The following TMEM117 variants were observed in gnomAD, a reference collection of about 807,000 sequenced individuals.
TMEM117 encodes transmembrane protein 117.
A neutral mutation model predicts 52.4 loss-of-function variants in TMEM117; 27 were observed. The ratio of observed to expected loss-of-function variants is 0.51; its 90% confidence interval spans 0.38 to 0.71. TMEM117 has a LOEUF of 0.71. TMEM117 is among the 30% of genes least tolerant of loss of function. The pLI, the probability that TMEM117 is intolerant of heterozygous loss-of-function variation, is 0.00. For missense variants in TMEM117, 556 were observed against 630.5 expected (o/e 0.88, Z 1.26); for synonymous variants, 215 against 206.3 (o/e 1.04, Z -0.36).
intron 6 of TMEM117, among the ~76,000 whole-genome samples, chr12:44,303,236 A>C (rs1950864002): frequency 6.6e-6 from 1 of 151,074 alleles, no homozygotes; most frequent in Non-Finnish European, 1.5e-5. Flanking sequence ...TTTAGTAGAG[A>C]TGGGGTTTCT....
chr12:44,380,287 A>C (rs1952002379), intron 7 of TMEM117, among the ~76,000 whole-genome samples: 1 of 152,146 alleles, frequency 6.6e-6, no homozygotes, highest in African/African-American at 2.4e-5. Context: ...TGATTGGGGA[A>C]AGGTGCTGGT....
intron 6 of TMEM117, among the ~76,000 whole-genome samples, chr12:44,318,012 C>A (rs531172622): frequency 6.6e-6 from 1 of 152,238 alleles, no homozygotes; most frequent in South Asian, 2.1e-4. Flanking sequence ...TGGTAACCTG[C>A]TTGGCCCTAA....
At chr12:43,966,229 C>T (rs1378208246) in intron 3 of TMEM117, among the ~76,000 whole-genome samples, 1 of 152,144 alleles carries the variant, frequency 6.6e-6, no homozygotes, top group Non-Finnish European at 1.5e-5. Context: ...TCTGTTTTCT[C>T]TTTATCTAAA....
intron 4 of TMEM117, among the ~76,000 whole-genome samples, chr12:44,205,189 G>A (rs541475725): frequency 1.3e-5 from 2 of 152,278 alleles, no homozygotes; most frequent in South Asian, 2.1e-4. Context: ...GTCAAGGGAG[G>A]TGCCAGTGGA....
chr12:44,285,432 T>C (rs897510073), intron 5 of TMEM117, among the ~76,000 whole-genome samples: 2 of 152,218 alleles, frequency 1.3e-5, no homozygotes, highest in Non-Finnish European at 2.9e-5. Flanking sequence ...GATGCTATCT[T>C]AACAAATGTG....
At chr12:44,304,782 C>T (rs1355575882) in intron 6 of TMEM117, among the ~76,000 whole-genome samples, 1 of 152,180 alleles carries the variant, frequency 6.6e-6, no homozygotes, top group East Asian at 1.9e-4. Flanking sequence ...GTCTAAAGGG[C>T]CCTTGGGCCT....
At chr12:44,322,299 T>C (rs1311051614) in intron 6 of TMEM117, among the ~76,000 whole-genome samples, 2 of 152,150 alleles carry the variant, frequency 1.3e-5, no homozygotes, top group Non-Finnish European at 2.9e-5. Context: ...GGTCATAAAG[T>C]GTGTATTTTC....
intron 3 of TMEM117, among the ~76,000 whole-genome samples, chr12:44,104,612 A>G (rs114579383): frequency 0.016 from 2,376 of 152,052 alleles, 67 homozygotes; most frequent in African/African-American, 0.054. Flanking sequence ...TGACCTATAT[A>G]CTTTTTCTTC....
chr12:44,014,267 T>G (rs189312889), intron 3 of TMEM117, among the ~76,000 whole-genome samples: 57 of 152,132 alleles, frequency 3.7e-4, no homozygotes, highest in African/African-American at 1.3e-3. Flanking sequence ...ATTTTATCTT[T>G]GTCACTGAGG....
At chr12:44,299,478 C>T in intron 5 of TMEM117, 102 bp from the exon 6 acceptor site, 1 of 1,452,628 alleles carries the variant, frequency 6.9e-7, no homozygotes, top group Non-Finnish European at 9.3e-7. Context: ...AGGGTAGGTG[C>T]TTGCCAAGGG....
intron 5 of TMEM117, among the ~76,000 whole-genome samples, chr12:44,297,643 C>T (rs997698130): frequency 1.3e-5 from 2 of 152,128 alleles, no homozygotes; most frequent in Non-Finnish European, 2.9e-5. Context: ...AGAAAATACC[C>T]TTACTACCAA....
chr12:44,100,960 C>G (rs1947851260), intron 3 of TMEM117, among the ~76,000 whole-genome samples: 1 of 151,896 alleles, frequency 6.6e-6, no homozygotes, highest in South Asian at 2.1e-4. Flanking sequence ...ATTTATTTCT[C>G]ACAGTTCTGG....
intron 6 of TMEM117, among the ~76,000 whole-genome samples, chr12:44,353,065 C>G (rs1433292764): frequency 6.6e-6 from 1 of 152,108 alleles, no homozygotes; most frequent in Non-Finnish European, 1.5e-5. Context: ...AGCATTTTTT[C>G]ATGTGTTTTT....
chr12:44,380,878 T>C (rs116693496), intron 7 of TMEM117, among the ~76,000 whole-genome samples: 1,987 of 152,248 alleles, frequency 0.013, 45 homozygotes, highest in African/African-American at 0.045. Flanking sequence ...CTGTCCTGAG[T>C]CCTTAAAAAG....
intron 4 of TMEM117, among the ~76,000 whole-genome samples, chr12:44,169,802 T>C (rs1245708999): frequency 2.6e-5 from 4 of 152,146 alleles, no homozygotes; most frequent in Admixed American, 1.3e-4. Flanking sequence ...CAACAGGTGC[T>C]GGAGAGGACG....
the TMEM117 span, among the ~76,000 whole-genome samples, chr12:43,811,560 G>T: frequency 6.6e-6 from 1 of 152,154 alleles, no homozygotes; most frequent in African/African-American, 2.4e-5. Flanking sequence ...TGTAAGTGAG[G>T]CACCTTGTTT....
At chr12:44,228,933 T>A (rs1949899214) in intron 5 of TMEM117, among the ~76,000 whole-genome samples, 1 of 152,056 alleles carries the variant, frequency 6.6e-6, no homozygotes, top group Admixed American at 6.6e-5. Context: ...CTAGTTGCTG[T>A]ATGGAGAATG....
chr12:43,847,569 A>C (rs1019856134), intron 2 of TMEM117, among the ~76,000 whole-genome samples: 2 of 152,226 alleles, frequency 1.3e-5, no homozygotes, highest in Non-Finnish European at 2.9e-5. Flanking sequence ...GCTGATTATC[A>C]TGAAGATTGT....
chr12:44,000,822 A>G (rs1946105373), intron 3 of TMEM117, among the ~76,000 whole-genome samples: 1 of 152,182 alleles, frequency 6.6e-6, no homozygotes, highest in Admixed American at 6.5e-5. Flanking sequence ...GCTGAGTTGC[A>G]GAGGGCCAAC....
Sources: gnomAD v4.1 joint callset for allele counts (sites outside exome capture counted in the v4.1 genomes callset) on GRCh38, gnomAD v4.1.1 for gene constraint, MANE v1.5 for transcripts, NCBI Gene and HGNC (gene_info 2026-07-23, HGNC 2026-07-21) for gene names.